The following LGALS9 variants were observed in gnomAD, a reference collection of about 807,000 sequenced individuals.
LGALS9 encodes galectin 9, also known as galectin-9.
In LGALS9, 26 loss-of-function variants were observed where a neutral mutation model predicts 35.9. The observed-to-expected ratio is 0.72, with a 90% confidence interval of 0.53 to 1.01. The LOEUF (loss-of-function observed/expected upper bound fraction) is 1.01. Ranked by LOEUF, LGALS9 falls within the 50% of genes least tolerant of loss-of-function variation. The pLI is 0.00. For synonymous variants in LGALS9, 149 were observed against 172.2 expected (o/e 0.87, Z 1.06); for missense variants, 347 against 445.8 (o/e 0.78, Z 1.99).
chr17:27,645,950 T>G (rs769446308), intron 7 of LGALS9, 39 bp downstream of exon 7: 1 of 1,612,204 alleles, frequency 6.2e-7, no homozygotes, highest in Non-Finnish European at 8.5e-7. Context: ...AGCTGCACAG[T>G]GTCCTCCTTC....
At chr17:27,632,267 C>G (rs2074400601) in intron 1 of LGALS9, among the ~76,000 whole-genome samples, 1 of 26,644 alleles carries the variant, frequency 3.8e-5, no homozygotes, top group Admixed American at 5.4e-4. Context: ...GGTGGGGAGG[C>G]AGGGTGGGGA....
rs918895452 is a variant in LGALS9, at chr17:27,631,319, T to C, written c.39+15T>C. ...ACCTGAGTCCAGTGAGTTCCAGGGC[T>C]ATGGGCACAGGGCTGCCTCAGCCAG... On this transcript the variant is annotated intron_variant, in intron 1 of 10. Transcript: ENST00000395473. 5.6e-6 allele frequency: 9 copies of C among 1,613,954 alleles called. No homozygotes were observed. The African/African-American group carries it at 6.7e-5, about 12-fold the overall frequency.
At chr17:27,647,170 G>T in intron 9 of LGALS9, 52 bp downstream of exon 9, 2 of 1,614,082 alleles carry the variant, frequency 1.2e-6, no homozygotes, top group Admixed American at 1.7e-5. Context: ...TTCAAGGTCA[G>T]TCCAGCCATT....
In LGALS9 at chr17:27,642,213, C is replaced by G. The variant is rs546618063; in HGVS notation, c.334-25C>G. ...CCATCCCAGCCTGGGATGCCTCCCC[C>G]AGAACATGTGCTCTCCTCTGGCAGG... On this transcript the variant is annotated intron_variant, in intron 3 of 10. Transcript: ENST00000395473. 1.6e-3 allele frequency: 2,451 copies of G among 1,556,648 alleles called. 103 individuals carry two copies. The African/African-American group carries it at 0.029, about 19-fold the overall frequency.
At chr17:27,642,605 A>G (rs527730104) in intron 4 of LGALS9, among the ~76,000 whole-genome samples, 2 of 152,000 alleles carry the variant, frequency 1.3e-5, no homozygotes, top group East Asian at 3.9e-4. Flanking sequence ...TTCATCCCTC[A>G]GTTTCCATCC....
At chr17:27,634,347 G>A (rs1311847310) in intron 1 of LGALS9, among the ~76,000 whole-genome samples, 2 of 152,110 alleles carry the variant, frequency 1.3e-5, no homozygotes, top group Non-Finnish European at 2.9e-5. Flanking sequence ...CCAGGAGTTT[G>A]AGACCAGCCT....
At chr17:27,635,313 C>T (rs775268310) in intron 1 of LGALS9, among the ~76,000 whole-genome samples, 11 of 152,142 alleles carry the variant, frequency 7.2e-5, no homozygotes, top group Admixed American at 1.3e-4. Flanking sequence ...TGGCCTGCAC[C>T]TATTTTGTCC....
intron 8 of LGALS9, among the ~76,000 whole-genome samples, 182 bp downstream of exon 8, chr17:27,646,770 T>C (rs1296091169): frequency 6.6e-6 from 1 of 152,238 alleles, no homozygotes; most frequent in African/African-American, 2.4e-5. Context: ...ACCTTAAAAC[T>C]GTCGTGTCAA....
At chr17:27,636,632 G>C (rs535150370) in intron 1 of LGALS9, among the ~76,000 whole-genome samples, 69 of 152,056 alleles carry the variant, frequency 4.5e-4, no homozygotes, top group Non-Finnish European at 8.2e-4. Flanking sequence ...ACCACACCTA[G>C]CTATTTTTTT....
intron 6 of LGALS9, 39 bp from the exon 7 acceptor site, chr17:27,645,822 A>G: frequency 6.4e-7 from 1 of 1,556,140 alleles, no homozygotes. Context: ...TGGTTTTCAC[A>G]CGTGAGAGCC....
chr17:27,634,992 CTTTTT>C (rs1179833032), intron 1 of LGALS9, among the ~76,000 whole-genome samples: 1 of 152,098 alleles, frequency 6.6e-6, no homozygotes, highest in Non-Finnish European at 1.5e-5. Flanking sequence ...TTTTTCTTTT[CTTTTT>C]AAGGCTACAC....
At chr17:27,634,451 G>A (rs11080241) in intron 1 of LGALS9, among the ~76,000 whole-genome samples, 32,396 of 152,086 alleles carry the variant, frequency 0.21, 3,688 homozygotes, top group Admixed American at 0.29. Flanking sequence ...CCTGGGAGGC[G>A]GAGGTGGGAG....
intron 1 of LGALS9, among the ~76,000 whole-genome samples, chr17:27,634,377 C>T (rs1033388474): frequency 1.2e-4 from 18 of 152,036 alleles, no homozygotes; most frequent in African/African-American, 3.9e-4. Flanking sequence ...AGTGAGACCA[C>T]GTCTCTACAA....
intron 10 of LGALS9, 100 bp from the exon 11 acceptor site, chr17:27,648,736 A>T (rs1264105516): frequency 5.1e-6 from 8 of 1,581,158 alleles, no homozygotes; most frequent in Non-Finnish European, 6.9e-6. Context: ...GCTTATTAAC[A>T]ACTGAGGAGG....
At chr17:27,639,939 T>TG (rs1353358351) in intron 2 of LGALS9, among the ~76,000 whole-genome samples, 1 of 152,204 alleles carries the variant, frequency 6.6e-6, no homozygotes. Context: ...GGTTTTACCA[T>TG]GTTGGCCAGG....
chr17:27,649,168 G>A lies in LGALS9; in HGVS notation c.*186G>A. The A allele has an allele frequency of 2.1e-6, 2 of 930,558 alleles. No individual in the cohort carries two copies. Among genetic ancestry groups the A allele is most frequent in the Non-Finnish European group, 3.2e-6 (2 of 623,130 alleles). 57.6% of individuals were successfully genotyped at this position (930,558 alleles called of 1,614,324 possible). A position where few individuals can be genotyped will look rare whatever the true frequency, so the allele number is the denominator to read the frequency against. On this transcript the variant is annotated 3_prime_UTR_variant, in exon 11 of 11. Transcript: ENST00000395473. ...CTGGAACGGAGAAGGCAGCTGACGG[G>A]GATTGCCTTCCTCAGCCGCAGCAGC...
chr17:27,646,472 C>T (rs532125761), intron 7 of LGALS9, 75 bp from the exon 8 acceptor site: 93 of 1,606,862 alleles, frequency 5.8e-5, no homozygotes, highest in South Asian at 5.4e-4. Context: ...CTCTCTAGAA[C>T]GCGTGGGTGC....
At chr17:27,646,671 G>A in intron 8 of LGALS9, 83 bp downstream of exon 8, 2 of 1,598,386 alleles carry the variant, frequency 1.3e-6, no homozygotes, top group Non-Finnish European at 1.7e-6. Context: ...GGGATCCACT[G>A]GCCTTGAAAA....
At chr17:27,633,623 G>A (rs2074413342) in intron 1 of LGALS9, among the ~76,000 whole-genome samples, 1 of 152,238 alleles carries the variant, frequency 6.6e-6, no homozygotes, top group Non-Finnish European at 1.5e-5. Context: ...CAGATAAGAA[G>A]AGGAGGAAAA....
Sources: allele counts gnomAD v4.1 joint callset (sites outside exome capture counted in the v4.1 genomes callset), GRCh38; gene constraint gnomAD v4.1.1; transcripts MANE v1.5; gene names NCBI Gene and HGNC (gene_info 2026-07-23, HGNC 2026-07-21).